NR1I2: variants seen among roughly 807,000 people sequenced by gnomAD.
The protein encoded by NR1I2 is orphan nuclear receptor PAR1.
A neutral mutation model predicts 43.3 loss-of-function variants in NR1I2; 42 were observed. The ratio of observed to expected loss-of-function variants is 0.97; its 90% CI spans 0.76 to 1.26. The LOEUF is 1.26. Ranked by LOEUF, NR1I2 falls within the 50% of genes most tolerant of loss-of-function variation. NR1I2 has a pLI of 0.00. For missense variants in NR1I2, 559 were observed against 566.7 expected, an observed-to-expected ratio of 0.99 and a Z score of 0.14; for synonymous variants, 229 against 215.0, an observed-to-expected ratio of 1.06 and a Z score of -0.57.
At chr3:119,786,856 G>GC (rs11409387) in intron 1 of NR1I2, among the ~76,000 whole-genome samples, 109,533 of 151,818 alleles carry the variant, frequency 0.72, 42,124 homozygotes, top group East Asian at 1. Flanking sequence ...CAGTGAGGAG[G>GC]TTTTGTTAAT....
At chr3:119,814,405 G>T (rs1165436622) in intron 5 of NR1I2, among the ~76,000 whole-genome samples, 1 of 152,154 alleles carries the variant, frequency 6.6e-6, no homozygotes, top group Non-Finnish European at 1.5e-5. Flanking sequence ...CATCTGGGCT[G>T]CAGGGAAACA....
At chr3:119,791,119 A>G (rs1162177940) in intron 1 of NR1I2, among the ~76,000 whole-genome samples, 9 of 152,228 alleles carry the variant, frequency 5.9e-5, no homozygotes, top group African/African-American at 1.7e-4. Context: ...CAGTCCAGCC[A>G]GCAGACCTTA....
chr3:119,794,587 A>G (rs1430571945), intron 1 of NR1I2, among the ~76,000 whole-genome samples: 1 of 151,540 alleles, frequency 6.6e-6, no homozygotes, highest in East Asian at 1.9e-4. Context: ...AGCCTCCCAA[A>G]GTGCTGACAT....
At chr3:119,812,561 C>T (rs954493123) in intron 4 of NR1I2, 125 bp from the exon 5 acceptor site, 16 of 1,045,710 alleles carry the variant, frequency 1.5e-5, no homozygotes, top group Non-Finnish European at 2.4e-5. Flanking sequence ...GTGTGAATGC[C>T]TGCATTTGTG....
chr3:119,782,824 A>G (rs773617089), intron 1 of NR1I2: 1 of 1,614,178 alleles, frequency 6.2e-7, no homozygotes, highest in Non-Finnish European at 8.5e-7. Context: ...ACCCCTGCAC[A>G]GTGCTGCGGC....
rs1194451054 is a variant in NR1I2, at chr3:119,792,276, G to A, written c.-23+9976G>A. The A allele has an allele frequency of 4.6e-6, 7 of 1,530,716 alleles. No homozygotes were observed. In the East Asian group the frequency reaches 6.8e-5, roughly 15 times the overall value. 94.8% of individuals were successfully genotyped at this position (1,530,716 alleles called of 1,614,324 possible). A position where few individuals can be genotyped will look rare whatever the true frequency, so the allele number is the denominator to read the frequency against. On this transcript the variant is annotated intron_variant, in intron 1 of 8. Transcript: ENST00000393716. ...ACTGGTCTCCAGGCAGGTGAGCGAC[G>A]ACCTTATGGAGCGAGCAGCCACCTT...
Position 119,812,739 on chromosome 3 carries a change from A to C in NR1I2, c.573A>C (p.Pro191=). 6.2e-7 allele frequency: 1 copy of C among 1,614,186 alleles called. No individual in the cohort carries two copies. Among genetic ancestry groups the C allele is most frequent in the Non-Finnish European group, 8.5e-7 (1 of 1,180,036 alleles). ...AGTTGCCAGAGTCTCTGCAGGCCCC[A>C]TCGAGGGAAGAAGCTGCCAAGTGGA... is the stretch of plus-strand genomic sequence containing the variant. The change falls in exon 5 of 9, where the codon CCA becomes CCC. Residue 191 remains proline, a synonymous_variant. Transcript: ENST00000393716.
chr3:119,794,769 T>A (rs1373432976), intron 1 of NR1I2, among the ~76,000 whole-genome samples: 1 of 152,138 alleles, frequency 6.6e-6, no homozygotes, highest in Non-Finnish European at 1.5e-5. Flanking sequence ...GAAAAACCTG[T>A]CTCTACTGAA....
chr3:119,814,956 C>T, intron 5 of NR1I2, 23 bp from the exon 6 acceptor site: 1 of 1,613,726 alleles, frequency 6.2e-7, no homozygotes, highest in East Asian at 2.2e-5. Context: ...GAGCTGTCCT[C>T]CCCTCCCCAT....
rs2055356618 is a variant in NR1I2 at position 119,818,205 on chromosome 3, G to A, written c.*993G>A. ...TTTGTTCCTGGGGCTGGAATGCTGG[G>A]TATGCTCTGTGACAAGGCTACGCTG... On this transcript the variant is annotated 3_prime_UTR_variant, in exon 9 of 9. Transcript: ENST00000393716. The A allele has an allele frequency of 2.0e-6, 2 of 985,752 alleles. No homozygotes were observed. The highest frequency in any genetic ancestry group is 2.4e-6 in the Non-Finnish European group (2 of 830,054). The allele number at this position is 985,752 out of a possible 1,614,324, so 61.1% of individuals were successfully genotyped here.
intron 1 of NR1I2, among the ~76,000 whole-genome samples, chr3:119,805,966 G>A (rs2055153866): frequency 6.6e-6 from 1 of 152,184 alleles, no homozygotes; most frequent in Non-Finnish European, 1.5e-5. Flanking sequence ...GTGTAATGGA[G>A]GGCCAGGGTC....
intron 1 of NR1I2, chr3:119,792,571 A>C (rs1577271191): frequency 1.2e-6 from 1 of 820,530 alleles, no homozygotes; most frequent in Admixed American, 2.1e-5. Context: ...CCCTGCCTGC[A>C]CCTCCATGGG....
rs2055262712 is a variant in NR1I2 at position 119,812,778 on chromosome 3, A to C, written c.612A>C (p.Lys204Asn). The change falls in exon 5 of 9, where the codon AAA becomes AAC. Residue 204 changes from lysine to asparagine, a missense_variant. By Grantham distance (94) the Lys-to-Asn change is moderately conservative. Coordinates refer to ENST00000393716, the MANE Select transcript of NR1I2 (RefSeq NM_003889.4). ...CTGCCAAGTGGAGCCAGGTCCGGAAAGATCTGTGCTCTTTGAAGGTCTCTC... is the reference window on the plus strand; with the variant it reads ...CTGCCAAGTGGAGCCAGGTCCGGAACGATCTGTGCTCTTTGAAGGTCTCTC... The C allele has an allele frequency of 6.2e-7, 1 of 1,614,228 alleles. No individual in the cohort carries two copies.
chr3:119,817,758 C>A lies in NR1I2; in HGVS notation c.*546C>A, dbSNP rs1036196850. 3.0e-6 allele frequency: 3 copies of A among 1,010,008 alleles called. No individual in the cohort carries two copies. The highest frequency in any genetic ancestry group is 1.7e-5 in the African/African-American group (1 of 58,146). 62.6% of individuals were successfully genotyped at this position (1,010,008 alleles called of 1,614,324 possible). On this transcript the variant is annotated 3_prime_UTR_variant, in exon 9 of 9. Coordinates refer to ENST00000393716, the MANE Select transcript of NR1I2 (RefSeq NM_003889.4). ...GCGCATGAGTATCTGTGGGAGTCCT[C>A]TAGAGAGATGAGAAGCCAGGAGGCC...
At chr3:119,792,624 T>C (rs1210910093) in intron 1 of NR1I2, 1 of 594,128 alleles carries the variant, frequency 1.7e-6, no homozygotes, top group Non-Finnish European at 3.1e-6. Flanking sequence ...ACTGCCTTCC[T>C]TCTGCCTCCA....
chr3:119,801,479 T>A (rs1237426685), intron 1 of NR1I2, among the ~76,000 whole-genome samples: 1 of 152,234 alleles, frequency 6.6e-6, no homozygotes, highest in Non-Finnish European at 1.5e-5. Flanking sequence ...ACCCAGTCAC[T>A]GTCATTTTCC....
chr3:119,816,915 G>A (rs1433965368), intron 8 of NR1I2, among the ~76,000 whole-genome samples, 153 bp from the exon 9 acceptor site: 1 of 152,074 alleles, frequency 6.6e-6, no homozygotes, highest in Non-Finnish European at 1.5e-5. Flanking sequence ...CTCATCTACA[G>A]GGTAAAAGAG....
Position 119,810,079 on chromosome 3 carries a change from C to T in NR1I2, c.216C>T (p.Asn72=), listed in dbSNP as rs773536011. 1.9e-6 allele frequency: 3 copies of T among 1,613,920 alleles called. No homozygotes were observed. In the Admixed American group the frequency reaches 5.0e-5, roughly 27 times the overall value. ...CTCACAGGAGGGCCATGAAACGCAACGCCCGGCTGAGGTGCCCCTTCCGGA... is the reference window on the plus strand; with the variant it reads ...CTCACAGGAGGGCCATGAAACGCAATGCCCGGCTGAGGTGCCCCTTCCGGA... Residue 72 remains asparagine, a synonymous_variant, in exon 3 of 9, where the codon AAC becomes AAT. Coordinates refer to ENST00000393716, the MANE Select transcript of NR1I2 (RefSeq NM_003889.4).
chr3:119,797,313 A>G (rs1363721388), intron 1 of NR1I2, among the ~76,000 whole-genome samples: 1 of 151,950 alleles, frequency 6.6e-6, no homozygotes, highest in Non-Finnish European at 1.5e-5. Flanking sequence ...CAGAAAGGAA[A>G]TGGCCTCATG....
Sources: allele counts gnomAD v4.1 joint callset (sites outside exome capture counted in the v4.1 genomes callset), GRCh38; gene constraint gnomAD v4.1.1; transcripts MANE v1.5; gene names NCBI Gene and HGNC (gene_info 2026-07-23, HGNC 2026-07-21).